The following RICTOR variants were observed in gnomAD, a reference collection of about 807,000 sequenced individuals.
The protein encoded by RICTOR is rapamycin-insensitive companion of mTOR.
A neutral mutation model predicts 214.9 loss-of-function variants in RICTOR; 49 were observed. That is an observed-to-expected ratio of 0.23 (90% confidence interval 0.18 to 0.29). The LOEUF (loss-of-function observed/expected upper bound fraction) is 0.29. Among genes scored for constraint, RICTOR ranks in the 10% least tolerant of loss-of-function variants. The pLI, the probability that RICTOR is intolerant of heterozygous loss-of-function variation, is 1.00. For missense variants in RICTOR, 1,625 were observed against 2,047.0 expected (o/e 0.79, Z 3.98); for synonymous variants, 717 against 711.3 (o/e 1.01, Z -0.13).
chr5:39,022,301 A>C (rs936814023), intron 2 of RICTOR: 1 of 152,356 alleles, frequency 6.6e-6, no homozygotes, highest in African/African-American at 2.4e-5. Flanking sequence ...GCTGCTTAAC[A>C]TATGTGTAAC....
intron 2 of RICTOR, among the ~76,000 whole-genome samples, chr5:39,060,350 T>C (rs1275767365): frequency 6.6e-6 from 1 of 152,068 alleles, no homozygotes; most frequent in African/African-American, 2.4e-5. Flanking sequence ...ATTTTACATA[T>C]ATTAGCGTAA....
rs578159724 is a variant in RICTOR at position 38,939,112 on chromosome 5, T to G, written c.*3192A>C. The G allele has an allele frequency of 4.3e-6, 1 of 233,088 alleles. No individual in the cohort carries two copies. Among genetic ancestry groups the G allele is most frequent in the South Asian group, 1.8e-4 (1 of 5,518 alleles). The allele number at this position is 233,088 out of a possible 1,614,324, so 14.4% of individuals were successfully genotyped here. On this transcript the variant is annotated 3_prime_UTR_variant, in exon 38 of 38. Transcript: ENST00000357387. ...TAATTTGAATGACAGACAATTTGGT[T>G]TTTATTGCTTAATGATCTGTGCTTT...
chr5:39,057,754 T>C (rs1758292444), intron 2 of RICTOR, among the ~76,000 whole-genome samples: 1 of 152,114 alleles, frequency 6.6e-6, no homozygotes, highest in African/African-American at 2.4e-5. Context: ...TCAGCAAGGA[T>C]CTGTCAAGGT....
intron 9 of RICTOR, among the ~76,000 whole-genome samples, chr5:38,977,096 T>G (rs1250345910): frequency 6.6e-6 from 1 of 152,228 alleles, no homozygotes; most frequent in Non-Finnish European, 1.5e-5. Context: ...TCCAGCATTG[T>G]TGCCTTTGCA....
intron 6 of RICTOR, among the ~76,000 whole-genome samples, chr5:38,991,660 C>CTATTTTT (rs1752785366): frequency 6.6e-6 from 1 of 152,038 alleles, no homozygotes. Context: ...AAGCAGAGTT[C>CTATTTTT]ATAATCCAAA....
intron 5 of RICTOR, among the ~76,000 whole-genome samples, chr5:39,001,706 T>C (rs1203381822): frequency 6.6e-6 from 1 of 151,974 alleles, no homozygotes; most frequent in Non-Finnish European, 1.5e-5. Context: ...GATAATCCAA[T>C]TTACAAATGA....
intron 2 of RICTOR, among the ~76,000 whole-genome samples, chr5:39,045,850 G>C (rs1757452828): frequency 6.6e-6 from 1 of 151,890 alleles, no homozygotes; most frequent in Non-Finnish European, 1.5e-5. Context: ...ATATACCTTG[G>C]CTGTAGGACA....
At chr5:38,998,699 C>T (rs547333212) in intron 5 of RICTOR, among the ~76,000 whole-genome samples, 3 of 152,094 alleles carry the variant, frequency 2.0e-5, no homozygotes, top group South Asian at 2.1e-4. Context: ...AGAAATGAAG[C>T]GGAGACCTGA....
chr5:38,946,510 G>A lies in RICTOR; in HGVS notation c.4357C>T (p.His1453Tyr). Residue 1453 changes from histidine to tyrosine, a missense_variant, in exon 33 of 38, where the codon CAT becomes TAT. By Grantham distance (83) the His-to-Tyr change is moderately conservative. Transcript: ENST00000357387. ...AATGCTCTTGCACCTCGATCATCAT[G>A]TGGTGGTATGTTTTTTGTCTGAAAA... ...PYFQTKNIPP[H>Y]DDRGARAFAH... The A allele has an allele frequency of 6.2e-7, 1 of 1,611,716 alleles. No homozygotes were observed. Among genetic ancestry groups the A allele is most frequent in the East Asian group, 2.2e-5 (1 of 44,790 alleles).
chr5:38,940,262 A>G lies in RICTOR; in HGVS notation c.*2042T>C, dbSNP rs1478473919. ...GGGAGGGGGTGTGTGTGTGTGTAAG[A>G]CAAAAAAAAAATTACTGTTAACTTT... On this transcript the variant is annotated 3_prime_UTR_variant, in exon 38 of 38. Transcript: ENST00000357387. 4.3e-6 allele frequency: 1 copy of G among 231,332 alleles called. No homozygotes were observed. Among genetic ancestry groups the G allele is most frequent in the African/African-American group, 2.2e-5 (1 of 45,006 alleles). The allele number at this position is 231,332 out of a possible 1,614,324, so 14.3% of individuals were successfully genotyped here.
At chr5:39,023,356 C>CA (rs903421793) in intron 2 of RICTOR, among the ~76,000 whole-genome samples, 29 of 141,828 alleles carry the variant, frequency 2.0e-4, no homozygotes, top group Admixed American at 7.0e-4. Context: ...TAGAGCAAAG[C>CA]AAAAAAAAAA....
chr5:38,967,652 T>C (rs1750347744), intron 12 of RICTOR, among the ~76,000 whole-genome samples: 1 of 152,150 alleles, frequency 6.6e-6, no homozygotes, highest in Non-Finnish European at 1.5e-5. Context: ...TCAAATAAGA[T>C]GAGAATTAGA....
chr5:39,003,285 C>A (rs1020992503), intron 4 of RICTOR, among the ~76,000 whole-genome samples: 1 of 151,940 alleles, frequency 6.6e-6, no homozygotes, highest in Non-Finnish European at 1.5e-5. Context: ...ATTTAGTCTG[C>A]AAATTTCAGA....
intron 6 of RICTOR, among the ~76,000 whole-genome samples, chr5:38,991,359 T>G (rs1158487264): frequency 6.6e-6 from 1 of 152,150 alleles, no homozygotes; most frequent in African/African-American, 2.4e-5. Context: ...TACTCTAGAA[T>G]AGGGCCTAAA....
intron 5 of RICTOR, 135 bp downstream of exon 5, chr5:39,002,400 G>GTGTA (rs1260505083): frequency 6.8e-4 from 249 of 364,084 alleles, no homozygotes; most frequent in Middle Eastern, 1.4e-3. Context: ...GTGTGTGTGT[G>GTGTA]TATATATATA....
intron 19 of RICTOR, 87 bp downstream of exon 19, chr5:38,962,228 T>C (rs1749857485): frequency 1.8e-6 from 1 of 553,558 alleles, no homozygotes; most frequent in African/African-American, 2.0e-5. Flanking sequence ...TATATGTCTT[T>C]AAAATTATTA....
chr5:38,945,055 A>G lies in RICTOR; in HGVS notation c.4647T>C (p.Ile1549=), dbSNP rs754109528. Residue 1549 remains isoleucine (I), a synonymous_variant, in exon 35 of 38, where the codon ATT becomes ATC. Transcript: ENST00000357387. ...AICSHSDFQD[I]PYSDWCEQTI... is the part of the protein sequence containing the mutation. ...TCTGCTCACACCAATCAGAATATGG[A>G]ATATCTTGAAAGTCTGAAGAAAAAA... 6.2e-7 allele frequency: 1 copy of G among 1,601,372 alleles called. No homozygotes were observed. Among genetic ancestry groups the G allele is most frequent in the South Asian group, 1.1e-5 (1 of 89,238 alleles).
At chr5:39,052,317 A>C (rs975075496) in intron 2 of RICTOR, among the ~76,000 whole-genome samples, 1 of 152,192 alleles carries the variant, frequency 6.6e-6, no homozygotes, top group Non-Finnish European at 1.5e-5. Context: ...TTGAGGTTAC[A>C]GTGAACTATG....
intron 37 of RICTOR, among the ~76,000 whole-genome samples, chr5:38,942,606 A>T (rs1463967641): frequency 6.6e-6 from 1 of 150,564 alleles, no homozygotes; most frequent in African/African-American, 2.4e-5. Context: ...AGATGACACC[A>T]ACCTCGGCTA....
Sources: gnomAD v4.1 joint callset for allele counts (sites outside exome capture counted in the v4.1 genomes callset) on GRCh38, gnomAD v4.1.1 for gene constraint, MANE v1.5 for transcripts, NCBI Gene and HGNC (gene_info 2026-07-23, HGNC 2026-07-21) for gene names.